ATXN7L1: variants seen among roughly 807,000 people sequenced by gnomAD.
The protein encoded by ATXN7L1 is ataxin 7 like 1, also known as ataxin-7-like protein 1.
In ATXN7L1, 15 loss-of-function variants were observed where a neutral mutation model predicts 70.8. The observed-to-expected ratio is 0.21, with a 90% CI of 0.14 to 0.33. The LOEUF (loss-of-function observed/expected upper bound fraction) is 0.33, where lower values mean the gene tolerates loss of function less well. ATXN7L1 is among the 10% of genes least tolerant of loss of function. The pLI, the probability that ATXN7L1 is intolerant of heterozygous loss-of-function variation, is 1.00. For missense variants in ATXN7L1, 975 were observed against 1,097.1 expected (o/e 0.89, Z 1.57); for synonymous variants, 440 against 445.1 (o/e 0.99, Z 0.14).
At chr7:105,689,527 G>T (rs749040919) in intron 3 of ATXN7L1, among the ~76,000 whole-genome samples, 11 of 152,178 alleles carry the variant, frequency 7.2e-5, no homozygotes, top group Non-Finnish European at 1.6e-4. Flanking sequence ...GGGGGTGATT[G>T]ACACAGCTGG....
intron 3 of ATXN7L1, among the ~76,000 whole-genome samples, chr7:105,753,452 G>C (rs1476439891): frequency 6.6e-6 from 1 of 152,208 alleles, no homozygotes; most frequent in African/African-American, 2.4e-5. Context: ...CTGGTATAAG[G>C]TGAAGATTAT....
chr7:105,660,590 T>TC, intron 4 of ATXN7L1, among the ~76,000 whole-genome samples: 1 of 141,036 alleles, frequency 7.1e-6, no homozygotes, highest in African/African-American at 2.7e-5. Flanking sequence ...TTTTTTTTTT[T>TC]TTTTTTTTTT....
At chr7:105,702,295 G>A (rs924659567) in intron 3 of ATXN7L1, among the ~76,000 whole-genome samples, 27 of 152,156 alleles carry the variant, frequency 1.8e-4, no homozygotes, top group African/African-American at 6.0e-4. Flanking sequence ...CCACCCTATG[G>A]GGACTGGTAC....
At chr7:105,860,853 C>T (rs955320052) in intron 2 of ATXN7L1, among the ~76,000 whole-genome samples, 2 of 152,238 alleles carry the variant, frequency 1.3e-5, no homozygotes, top group South Asian at 2.1e-4. Context: ...GATATGATCG[C>T]TTTTCCTCCA....
At chr7:105,720,108 C>T (rs1335551949) in intron 3 of ATXN7L1, among the ~76,000 whole-genome samples, 1 of 152,164 alleles carries the variant, frequency 6.6e-6, no homozygotes, top group African/African-American at 2.4e-5. Context: ...TTTAAATAGT[C>T]CGAATACCAT....
chr7:105,759,125 A>G (rs1800181604), intron 3 of ATXN7L1, among the ~76,000 whole-genome samples: 1 of 149,856 alleles, frequency 6.7e-6, no homozygotes, highest in South Asian at 2.1e-4. Context: ...TTATATAAAA[A>G]TATTATTTAG....
At chr7:105,662,165 C>T (rs570501478) in intron 4 of ATXN7L1, among the ~76,000 whole-genome samples, 1 of 148,684 alleles carries the variant, frequency 6.7e-6, no homozygotes, top group South Asian at 2.1e-4. Context: ...TGCAATGGAG[C>T]GATCTTGGCT....
chr7:105,755,282 C>T (rs1402416882), intron 3 of ATXN7L1, among the ~76,000 whole-genome samples: 4 of 152,162 alleles, frequency 2.6e-5, no homozygotes, highest in African/African-American at 9.7e-5. Context: ...CTAAATCACA[C>T]CACTAGGGTA....
chr7:105,660,114 C>T (rs963043304), intron 4 of ATXN7L1, among the ~76,000 whole-genome samples: 1 of 152,050 alleles, frequency 6.6e-6, no homozygotes. Flanking sequence ...ATTTATCTCA[C>T]CCAGCCCCTC....
At chr7:105,727,281 A>C (rs767117938) in intron 3 of ATXN7L1, among the ~76,000 whole-genome samples, 10 of 152,204 alleles carry the variant, frequency 6.6e-5, no homozygotes, top group Non-Finnish European at 1.0e-4. Context: ...CTCACGAAGC[A>C]GACAGTCACG....
At chr7:105,795,097 G>A (rs1805798773) in intron 2 of ATXN7L1, among the ~76,000 whole-genome samples, 1 of 152,182 alleles carries the variant, frequency 6.6e-6, no homozygotes, top group Non-Finnish European at 1.5e-5. Flanking sequence ...GCTGAAATCT[G>A]CTTCTCACAC....
At chr7:105,800,374 G>C (rs1806632256) in intron 2 of ATXN7L1, among the ~76,000 whole-genome samples, 3 of 152,118 alleles carry the variant, frequency 2.0e-5, no homozygotes, top group Admixed American at 2.0e-4. Flanking sequence ...GTCCAGCTTG[G>C]TGTAGCCTCC....
At chr7:105,696,323 A>G (rs1326328800) in intron 3 of ATXN7L1, among the ~76,000 whole-genome samples, 1 of 152,180 alleles carries the variant, frequency 6.6e-6, no homozygotes, top group East Asian at 1.9e-4. Flanking sequence ...TAACCAGAGG[A>G]CATTTGCATC....
chr7:105,732,685 T>C (rs188615652), intron 3 of ATXN7L1, among the ~76,000 whole-genome samples: 1 of 152,326 alleles, frequency 6.6e-6, no homozygotes, highest in Admixed American at 6.5e-5. Flanking sequence ...ATCAGGTCTG[T>C]GGGTAACCCT....
chr7:105,761,066 G>A, intron 3 of ATXN7L1: 6 of 711,268 alleles, frequency 8.4e-6, no homozygotes, highest in Non-Finnish European at 1.1e-5. Context: ...ATGAATTGTA[G>A]AGGAGCAAGA....
intron 3 of ATXN7L1, among the ~76,000 whole-genome samples, chr7:105,693,729 G>C (rs1014966270): frequency 1.3e-5 from 2 of 152,196 alleles, no homozygotes; most frequent in South Asian, 4.1e-4. Context: ...TTGCTCTTCT[G>C]GTTACGGGGC....
At chr7:105,789,137 GACA>G (rs1393582604) in intron 2 of ATXN7L1, among the ~76,000 whole-genome samples, 1 of 152,210 alleles carries the variant, frequency 6.6e-6, no homozygotes, top group Non-Finnish European at 1.5e-5. Flanking sequence ...TCTGGCTGGG[GACA>G]GAAGAAGTCA....
intron 2 of ATXN7L1, among the ~76,000 whole-genome samples, chr7:105,846,342 G>C (rs2893575): frequency 0.17 from 25,741 of 151,828 alleles, 2,536 homozygotes; most frequent in East Asian, 0.51. Context: ...TGGCCAATAG[G>C]TGCCATCAAG....
chr7:105,832,119 C>T (rs1433079973), intron 2 of ATXN7L1, among the ~76,000 whole-genome samples: 2 of 152,082 alleles, frequency 1.3e-5, no homozygotes, highest in African/African-American at 2.4e-5. Context: ...AATAAGCCCT[C>T]ACTTTTCATG....
Sources: gnomAD v4.1 joint callset for allele counts (sites outside exome capture counted in the v4.1 genomes callset) on GRCh38, gnomAD v4.1.1 for gene constraint, MANE v1.5 for transcripts, NCBI Gene and HGNC (gene_info 2026-07-23, HGNC 2026-07-21) for gene names.